Variants in C2CD2 observed in about 807,000 individuals in gnomAD.
The protein encoded by C2CD2 is C2 calcium dependent domain containing 2, also known as C2 domain-containing protein 2.
A neutral mutation model predicts 74.3 loss-of-function variants in C2CD2; 43 were observed. The observed-to-expected ratio is 0.58, with a 90% CI of 0.45 to 0.75. C2CD2 has a LOEUF of 0.75. Ranked by LOEUF, C2CD2 falls within the 30% of genes least tolerant of loss-of-function variation. C2CD2 has a pLI of 0.00. For missense variants in C2CD2, 801 were observed against 916.3 expected, an observed-to-expected ratio of 0.87 and a Z score of 1.63; for synonymous variants, 422 against 390.7, an observed-to-expected ratio of 1.08 and a Z score of -0.94.
chr21:41,951,039 A>G (rs2065446285), intron 1 of C2CD2, among the ~76,000 whole-genome samples: 1 of 152,140 alleles, frequency 6.6e-6, no homozygotes, highest in African/African-American at 2.4e-5. Context: ...ATTAGTGGGA[A>G]TGGAGGTGGG....
intron 11 of C2CD2, among the ~76,000 whole-genome samples, chr21:41,902,243 G>A (rs2064908316): frequency 6.6e-6 from 1 of 152,284 alleles, no homozygotes; most frequent in Non-Finnish European, 1.5e-5. Context: ...GAAAGGCAAG[G>A]TAGTGACTCC....
At position 41,953,763 on chromosome 21, in the gene C2CD2, G is replaced by T; in HGVS notation, c.-115C>A. ...CGCGCTGGGGGCGTGGAGGGGGCGCGGCGGGGTCGGAGCCCGGCGAGGAGC... is the reference window on the plus strand; with the variant it reads ...CGCGCTGGGGGCGTGGAGGGGGCGCTGCGGGGTCGGAGCCCGGCGAGGAGC... On this transcript the variant is annotated 5_prime_UTR_variant, in exon 1 of 14. Coordinates refer to ENST00000380486, the MANE Select transcript of C2CD2 (RefSeq NM_015500.2). The T allele has an allele frequency of 9.8e-7, 1 of 1,016,168 alleles. No homozygotes were observed. Among genetic ancestry groups the T allele is most frequent in the South Asian group, 4.6e-5 (1 of 21,638 alleles). 62.9% of individuals were successfully genotyped at this position (1,016,168 alleles called of 1,614,324 possible).
chr21:41,918,170 A>G lies in C2CD2; in HGVS notation c.655T>C (p.Leu219=). 6.2e-7 allele frequency: 1 copy of G among 1,614,172 alleles called. No individual in the cohort carries two copies. The highest frequency in any genetic ancestry group is 8.5e-7 in the Non-Finnish European group (1 of 1,180,014). ...ACTGATGGAGAGGCAGAACCAGCCA[A>G]ATGCTTCAAGATGTCCTTGAGAACG... The part of the protein sequence containing the change: ...SDVLKDILKH[L]AGSASPSVVL... The change falls in exon 5 of 14, where the codon TTG becomes CTG. Residue 219 remains leucine, a synonymous_variant. Transcript: ENST00000380486.
intron 2 of C2CD2, among the ~76,000 whole-genome samples, chr21:41,938,904 G>A (rs939185805): frequency 6.6e-5 from 10 of 151,986 alleles, no homozygotes; most frequent in African/African-American, 2.4e-4. Flanking sequence ...AACACACCTG[G>A]CCAATTTTTT....
Position 41,945,308 on chromosome 21 carries a change from C to A in C2CD2, c.280-3063G>T, listed in dbSNP as rs986899940. ...ATGCGCACACACGTTGGTATACACA[C>A]GTATGTTTGCTATTGCTGAACACTG... is the stretch of plus-strand genomic sequence containing the variant. On this transcript the variant is annotated intron_variant, in intron 1 of 13. Transcript: ENST00000380486. The surrounding 1 kb of genome is among the most constrained non-coding windows in gnomAD (Gnocchi z 4.2). Among the ~76,000 whole-genome samples the A allele has an allele frequency of 2.0e-5, 3 of 152,084 alleles. No individual in the cohort carries two copies. Among genetic ancestry groups the A allele is most frequent in the African/African-American group, 7.2e-5 (3 of 41,404 alleles).
At position 41,924,026 on chromosome 21, in the gene C2CD2, C is replaced by G. The variant is rs2065183098; in HGVS notation, c.379-1941G>C. Among the ~76,000 whole-genome samples, 1 of 152,222 alleles carries G rather than the reference C, an allele frequency of 6.6e-6. No homozygotes were observed. On this transcript the variant is annotated intron_variant, in intron 2 of 13. Transcript: ENST00000380486. The surrounding 1 kb of genome is among the most constrained non-coding windows in gnomAD (Gnocchi z 4.4). ...AGGAGCTGAGGGTAAGTCAGACTGA[C>G]CTCCTCATTCCCAAAAGAACCACTG... is the stretch of plus-strand genomic sequence containing the variant.
chr21:41,905,680 C>G (rs768582041), intron 11 of C2CD2, 44 bp downstream of exon 11: 1 of 1,043,580 alleles, frequency 9.6e-7, no homozygotes, highest in Non-Finnish European at 1.5e-6. Context: ...CCAAAAGGCC[C>G]AAAGGTGCTA....
At chr21:41,944,103 G>A (rs964410783) in intron 1 of C2CD2, among the ~76,000 whole-genome samples, 6 of 152,204 alleles carry the variant, frequency 3.9e-5, no homozygotes, top group Non-Finnish European at 5.9e-5. Flanking sequence ...ACCTTCTGTA[G>A]GAGCCTAAAG....
rs2064693171 is a variant in C2CD2, at chr21:41,887,099, C to T, written c.*2025G>A. 1 of 152,188 alleles carries T rather than the reference C, an allele frequency of 6.6e-6. No homozygotes were observed. Among genetic ancestry groups the T allele is most frequent in the African/African-American group, 2.4e-5 (1 of 41,442 alleles). 9.4% of individuals were successfully genotyped at this position (152,188 alleles called of 1,614,324 possible). ...CTCATCAGTGTCTGAAATTCTGACACATAATATCCTCTTGGAATTCTTAAA... is the reference window on the plus strand; with the variant it reads ...CTCATCAGTGTCTGAAATTCTGACATATAATATCCTCTTGGAATTCTTAAA... On this transcript the variant is annotated 3_prime_UTR_variant, in exon 14 of 14. Coordinates refer to ENST00000380486, the MANE Select transcript of C2CD2 (RefSeq NM_015500.2).
chr21:41,930,929 C>A (rs1245592504), intron 2 of C2CD2, among the ~76,000 whole-genome samples: 1 of 149,830 alleles, frequency 6.7e-6, no homozygotes. Context: ...TGTGGCTGAA[C>A]CTGCGGGGGA....
In C2CD2 at chr21:41,918,908, A is replaced by G; in HGVS notation, c.545T>C (p.Phe182Ser). ...KREDLQISWS[F>S]ISVPEMAVNI... Reference sequence around the variant, plus strand: ...AACGGCCATTTCCGGCACACTGATGAAAGACCAGCTAATCTGGAGGTCCTC... The same window carrying G: ...AACGGCCATTTCCGGCACACTGATGGAAGACCAGCTAATCTGGAGGTCCTC... Residue 182 changes from phenylalanine to serine, a missense_variant, in exon 4 of 14, where the codon TTC becomes TCC. By Grantham distance (155) the Phe-to-Ser change is radical. Transcript: ENST00000380486. 6.2e-7 allele frequency: 1 copy of G among 1,614,254 alleles called. No homozygotes were observed. The highest frequency in any genetic ancestry group is 8.5e-7 in the Non-Finnish European group (1 of 1,180,030).
intron 5 of C2CD2, among the ~76,000 whole-genome samples, chr21:41,916,226 T>A (rs948569231): frequency 3.9e-5 from 6 of 152,158 alleles, no homozygotes; most frequent in African/African-American, 1.4e-4. Context: ...GATGGTTAAC[T>A]GTATGTGTCG....
chr21:41,950,679 G>C (rs1202274668), intron 1 of C2CD2, among the ~76,000 whole-genome samples: 1 of 152,222 alleles, frequency 6.6e-6, no homozygotes, highest in African/African-American at 2.4e-5. Flanking sequence ...CCAATGCGCA[G>C]ACCTTGGCAA....
intron 2 of C2CD2, among the ~76,000 whole-genome samples, chr21:41,931,011 A>C (rs2146212455): frequency 6.6e-6 from 1 of 150,630 alleles, no homozygotes; most frequent in African/African-American, 2.4e-5. Context: ...ATTCTGGAGC[A>C]AACCTCTCCC....
intron 13 of C2CD2, among the ~76,000 whole-genome samples, chr21:41,896,642 C>T (rs975060428): frequency 4.2e-5 from 6 of 142,394 alleles, no homozygotes; most frequent in Non-Finnish European, 9.0e-5. Flanking sequence ...TCGAAATACA[C>T]AGGCACTCTC....
In C2CD2 at chr21:41,912,423, AC is replaced by A; in HGVS notation, c.861del (p.Cys288AlafsTer5). The stretch of plus-strand genomic sequence containing the variant: ...ACAGGATCGTTCAGCTGCACGACGC[AC>A]ACTGCATTAATGTGGCCTGTAATTA... ...EPGASGHINA[V>X]CVVQLNDPVQ... On this transcript the variant is annotated frameshift_variant, in exon 7 of 14. Coordinates refer to ENST00000380486, the MANE Select transcript of C2CD2 (RefSeq NM_015500.2). LOFTEE classifies it high-confidence loss of function. The A allele has an allele frequency of 6.2e-7, 1 of 1,611,256 alleles. No individual in the cohort carries two copies. Among genetic ancestry groups the A allele is most frequent in the Non-Finnish European group, 8.5e-7 (1 of 1,178,918 alleles).
rs150601712 is a variant in C2CD2, at chr21:41,914,614, G to A, written c.828C>T (p.Ser276=). The change falls in exon 6 of 14, where the codon AGC becomes AGT. Residue 276 remains serine, a synonymous_variant. Coordinates refer to ENST00000380486, the MANE Select transcript of C2CD2 (RefSeq NM_015500.2). ...GTCACCCACCTGAGGCACCGGGCTC[G>A]CTGAGCAGCAAGACGTGGATGTTCC... ...LVRNIHVLLL[S]EPGASGHINA... 3.5e-5 allele frequency: 56 copies of A among 1,613,538 alleles called. No homozygotes were observed. The highest frequency in any genetic ancestry group is 1.8e-4 in the Admixed American group (11 of 59,970).
At chr21:41,928,651 A>G (rs1265712531) in intron 2 of C2CD2, among the ~76,000 whole-genome samples, 1 of 151,834 alleles carries the variant, frequency 6.6e-6, no homozygotes, top group South Asian at 2.1e-4. Flanking sequence ...CATACCAAAC[A>G]GGCAGCCCCC....
chr21:41,922,397 TCAAA>T (rs1219629052), intron 2 of C2CD2, among the ~76,000 whole-genome samples: 5 of 151,936 alleles, frequency 3.3e-5, no homozygotes, highest in East Asian at 1.9e-4. Flanking sequence ...ACTCCTGAGC[TCAAA>T]CAATCTTCCC....
Sources: allele counts gnomAD v4.1 joint callset (sites outside exome capture counted in the v4.1 genomes callset), GRCh38; gene constraint gnomAD v4.1.1; non-coding constraint Gnocchi (gnomAD v3.1); transcripts MANE v1.5; gene names NCBI Gene and HGNC (gene_info 2026-07-23, HGNC 2026-07-21).